PCDHGB3: variants seen among roughly 807,000 people sequenced by gnomAD.
PCDHGB3 encodes the protein protocadherin gamma-B3.
In PCDHGB3, 40 loss-of-function variants were observed where a neutral mutation model predicts 59.2. That is an observed-to-expected ratio of 0.68 (90% CI 0.52 to 0.88). PCDHGB3 has a LOEUF of 0.88. Ranked by LOEUF, PCDHGB3 falls within the 40% of genes least tolerant of loss-of-function variation. PCDHGB3 has a pLI of 0.00. For synonymous variants in PCDHGB3, 581 were observed against 503.6 expected, an observed-to-expected ratio of 1.15 and a Z score of -2.06; for missense variants, 1,309 against 1,187.9, an observed-to-expected ratio of 1.10 and a Z score of -1.50.
rs1055747392 is a variant in PCDHGB3 at position 141,490,298 on chromosome 5, C to G, written c.2416-4509C>G. 6.2e-7 allele frequency: 1 copy of G among 1,614,178 alleles called. No individual in the cohort carries two copies. The highest frequency in any genetic ancestry group is 1.3e-5 in the African/African-American group (1 of 75,036). On this transcript the variant is annotated intron_variant, in intron 1 of 3. Transcript: ENST00000576222. The surrounding 1 kb of genome is among the most constrained non-coding windows in gnomAD (Gnocchi z 5.4). ...GACAATGCCCCAGAGGTGCTATTGG[C>G]CTCTTTGGCCAACCCTGTCCTAGAG...
At chr5:141,376,509 T>C in intron 1 of PCDHGB3, 1 of 1,613,934 alleles carries the variant, frequency 6.2e-7, no homozygotes, top group Admixed American at 1.7e-5. Flanking sequence ...CAACTTCAGG[T>C]GAGTTTCTTT....
intron 1 of PCDHGB3, chr5:141,416,916 T>A (rs751743318): frequency 5.5e-4 from 83 of 152,132 alleles, no homozygotes; most frequent in Non-Finnish European, 8.5e-4. Flanking sequence ...CTCTTTAGGG[T>A]CATAGTTATT....
rs771162471 is a variant in PCDHGB3, at chr5:141,376,386, T to G, written c.2415+3577T>G. 81 of 1,614,116 alleles carry G rather than the reference T, an allele frequency of 5.0e-5. No individual in the cohort carries two copies. The highest frequency in any genetic ancestry group is 4.2e-4 in the South Asian group (38 of 91,094). On this transcript the variant is annotated intron_variant, in intron 1 of 3. Transcript: ENST00000576222. ...ACTGCAGACTCGCGTAAGAGTCATC[T>G]GATTTTCCCCCAGCCCAACTATGCC...
chr5:141,478,657 G>A, intron 1 of PCDHGB3: 2 of 1,551,912 alleles, frequency 1.3e-6, no homozygotes, highest in Non-Finnish European at 1.7e-6. Flanking sequence ...TCCTGGTGAT[G>A]CATTCACACT....
chr5:141,408,556 T>C (rs1215804867), intron 1 of PCDHGB3: 3 of 1,613,940 alleles, frequency 1.9e-6, no homozygotes, highest in Non-Finnish European at 2.5e-6. Context: ...ATATTTTTCA[T>C]GTCATTGTGG....
In PCDHGB3 at chr5:141,490,490, C is replaced by A. The variant is rs886264588; in HGVS notation, c.2416-4317C>A. The A allele has an allele frequency of 1.2e-6, 2 of 1,614,184 alleles. No individual in the cohort carries two copies. Among genetic ancestry groups the A allele is most frequent in the Non-Finnish European group, 1.7e-6 (2 of 1,180,028 alleles). ...AGCCAGCCTTTGGACCGGGAGGCCA[C>A]ATCCCACTATATCATCGAGCTGCTG... On this transcript the variant is annotated intron_variant, in intron 1 of 3. Transcript: ENST00000576222. The surrounding 1 kb of genome is among the most constrained non-coding windows in gnomAD (Gnocchi z 5.4).
At chr5:141,457,094 C>T (rs2098908295) in intron 1 of PCDHGB3, among the ~76,000 whole-genome samples, 1 of 152,154 alleles carries the variant, frequency 6.6e-6, no homozygotes, top group Non-Finnish European at 1.5e-5. Context: ...TATAAGGATA[C>T]TAATTAAGCA....
chr5:141,422,940 C>G, intron 1 of PCDHGB3: 3 of 1,614,242 alleles, frequency 1.9e-6, no homozygotes, highest in Non-Finnish European at 1.7e-6. Context: ...TCCCCACAGA[C>G]GGCTCCACTG....
At chr5:141,421,619 C>T (rs778666303) in intron 1 of PCDHGB3, 2 of 1,613,694 alleles carry the variant, frequency 1.2e-6, no homozygotes, top group South Asian at 1.1e-5. Flanking sequence ...AATGATAACG[C>T]CCCCAGCTTC....
At chr5:141,393,762 A>G (rs2092837336) in intron 1 of PCDHGB3, 1 of 1,613,940 alleles carries the variant, frequency 6.2e-7, no homozygotes, top group African/African-American at 1.3e-5. Context: ...ATTTTATGAA[A>G]TGGAAATACA....
At chr5:141,473,343 T>G (rs1309426537) in intron 1 of PCDHGB3, among the ~76,000 whole-genome samples, 1 of 152,218 alleles carries the variant, frequency 6.6e-6, no homozygotes, top group African/African-American at 2.4e-5. Context: ...TGCTAGACAG[T>G]GAGGATGCAA....
In PCDHGB3 at chr5:141,412,906, T is replaced by C. The variant is rs188124118; in HGVS notation, c.2415+40097T>C. ...ACAGAATAGTTTACTTTCCATTGCA[T>C]GTATCACTTGGGTGCAGTAACTTCT... On this transcript the variant is annotated intron_variant, in intron 1 of 3. Coordinates refer to ENST00000576222, the MANE Select transcript of PCDHGB3 (RefSeq NM_018924.5). 315 of 384,208 alleles carry C rather than the reference T, an allele frequency of 8.2e-4. 2 individuals carry two copies. Among genetic ancestry groups the C allele is most frequent in the African/African-American group, 5.6e-3 (272 of 48,326 alleles). The allele number at this position is 384,208 out of a possible 1,614,324, so 23.8% of individuals were successfully genotyped here. A position where few individuals can be genotyped will look rare whatever the true frequency, so the allele number is the denominator to read the frequency against.
chr5:141,400,050 T>C (rs2093950243), intron 1 of PCDHGB3: 2 of 1,613,616 alleles, frequency 1.2e-6, no homozygotes, highest in Non-Finnish European at 1.7e-6. Flanking sequence ...TGCTGGTTGC[T>C]GTGCGTGATG....
At chr5:141,509,216 T>C (rs2099875781) in intron 3 of PCDHGB3, among the ~76,000 whole-genome samples, 1 of 152,124 alleles carries the variant, frequency 6.6e-6, no homozygotes, top group South Asian at 2.1e-4. Flanking sequence ...TATTTCTCAA[T>C]CCCTGGTTGA....
chr5:141,415,760 T>G (rs779762678), intron 1 of PCDHGB3: 355 of 1,388,296 alleles, frequency 2.6e-4, no homozygotes, highest in East Asian at 7.0e-4. Flanking sequence ...TTTTTTTTTT[T>G]TTTTTTTTTT....
chr5:141,437,617 C>T (rs570138576), intron 1 of PCDHGB3, among the ~76,000 whole-genome samples: 1 of 152,102 alleles, frequency 6.6e-6, no homozygotes, highest in Admixed American at 6.6e-5. Flanking sequence ...CTGCTTTATC[C>T]CCATATAAGA....
intron 1 of PCDHGB3, chr5:141,375,627 A>AGGAG (rs773199374): frequency 2.9e-5 from 46 of 1,613,948 alleles, no homozygotes; most frequent in Non-Finnish European, 3.6e-5. Flanking sequence ...GGGATTCTGT[A>AGGAG]CGCCCTGCGC....
In PCDHGB3 at chr5:141,490,670, C is replaced by A. The variant is rs1003577285; in HGVS notation, c.2416-4137C>A. ...CCGGGCTCCCTTCTTTGCACTGTGG[C>A]TGCCTCAGATCCAGACACTGGGGAT... On this transcript the variant is annotated intron_variant, in intron 1 of 3. Coordinates refer to ENST00000576222, the MANE Select transcript of PCDHGB3 (RefSeq NM_018924.5). This position sits in a 1 kb window ranked among gnomAD's most constrained non-coding sequence, Gnocchi z 5.4. 4 of 1,614,194 alleles carry A rather than the reference C, an allele frequency of 2.5e-6. No homozygotes were observed. The highest frequency in any genetic ancestry group is 3.4e-6 in the Non-Finnish European group (4 of 1,179,986).
At chr5:141,507,121 G>A (rs940889204) in intron 3 of PCDHGB3, 1 of 152,126 alleles carries the variant, frequency 6.6e-6, no homozygotes, top group African/African-American at 2.4e-5. Flanking sequence ...GGCTGCCTTT[G>A]GATCCAGCCT....
Sources: gnomAD v4.1 joint callset for allele counts (sites outside exome capture counted in the v4.1 genomes callset) on GRCh38, gnomAD v4.1.1 for gene constraint, Gnocchi (gnomAD v3.1) non-coding constraint, MANE v1.5 for transcripts, NCBI Gene and HGNC (gene_info 2026-07-23, HGNC 2026-07-21) for gene names.